Variants in SMC5 observed in about 807,000 individuals in gnomAD.
The protein encoded by SMC5 is structural maintenance of chromosomes protein 5.
In SMC5, 88 loss-of-function variants were observed where a neutral mutation model predicts 148.3. That is an observed-to-expected ratio of 0.59 (90% CI 0.50 to 0.71). The LOEUF is 0.71. SMC5 is among the 30% of genes least tolerant of loss of function. SMC5 has a pLI of 0.00. For missense variants in SMC5, 1,142 were observed against 1,298.9 expected, an observed-to-expected ratio of 0.88 and a Z score of 1.86; for synonymous variants, 421 against 432.8, an observed-to-expected ratio of 0.97 and a Z score of 0.34.
At position 70,348,074 on chromosome 9, in the gene SMC5, A is replaced by C. The variant is rs2036713354; in HGVS notation, c.2889+36A>C. 2.1e-6 allele frequency: 3 copies of C among 1,457,772 alleles called. No homozygotes were observed. In the African/African-American group the frequency reaches 4.4e-5, roughly 21 times the overall value. 90.3% of individuals were successfully genotyped at this position (1,457,772 alleles called of 1,614,324 possible). On this transcript the variant is annotated intron_variant, in intron 22 of 24. Coordinates refer to ENST00000361138, the MANE Select transcript of SMC5 (RefSeq NM_015110.4). The stretch of plus-strand genomic sequence containing the variant: ...ATTTGAAATAAATAATATTTCTGGC[A>C]AATAATTTTAATTATATGCTTAAAG...
intron 17 of SMC5, among the ~76,000 whole-genome samples, chr9:70,337,851 ATT>A (rs34041276): frequency 4.7e-5 from 7 of 148,098 alleles, no homozygotes; most frequent in Non-Finnish European, 6.0e-5. Context: ...TGAATTACTA[ATT>A]TTTTTTTTTT....
intron 14 of SMC5, 48 bp from the exon 15 acceptor site, chr9:70,318,746 A>T (rs778145872): frequency 6.4e-7 from 1 of 1,556,038 alleles, no homozygotes; most frequent in Admixed American, 2.1e-5. Context: ...TAATAGTTTC[A>T]CTGGAACAGT....
At chr9:70,294,391 A>G (rs1005281449) in intron 8 of SMC5, among the ~76,000 whole-genome samples, 7 of 152,172 alleles carry the variant, frequency 4.6e-5, no homozygotes, top group African/African-American at 7.2e-5. Context: ...TTAGATATAG[A>G]TAGTTAGAAG....
intron 3 of SMC5, among the ~76,000 whole-genome samples, chr9:70,272,924 C>T (rs573032478): frequency 3.8e-4 from 58 of 152,124 alleles, no homozygotes; most frequent in African/African-American, 1.2e-3. Context: ...GTTTATTATC[C>T]GCATTTATTG....
chr9:70,274,995 CCTT>C (rs1352000410), intron 3 of SMC5, among the ~76,000 whole-genome samples: 1 of 151,882 alleles, frequency 6.6e-6, no homozygotes, highest in Non-Finnish European at 1.5e-5. Flanking sequence ...GCTTTTCATT[CCTT>C]CTTCTATTTC....
chr9:70,279,250 T>C lies in SMC5; in HGVS notation c.678+625T>C, dbSNP rs375747346. 7.2e-5 allele frequency among the ~76,000 whole-genome samples: 11 copies of C among 152,290 alleles called. No individual in the cohort carries two copies. The South Asian group carries it at 1.0e-3, about 14-fold the overall frequency. On this transcript the variant is annotated intron_variant, in intron 5 of 24. Coordinates refer to ENST00000361138, the MANE Select transcript of SMC5 (RefSeq NM_015110.4). ...AATCTTTTAGTCTGGGTGTGGTGGC[T>C]CAGACCTGCAATCCCAATACTTTGT...
At chr9:70,267,855 T>G (rs2034334196) in intron 2 of SMC5, 68 bp from the exon 3 acceptor site, 1 of 1,372,470 alleles carries the variant, frequency 7.3e-7, no homozygotes, top group South Asian at 1.3e-5. Context: ...TAATAATGAC[T>G]GCTAAATCTC....
In SMC5 at chr9:70,314,832, C is replaced by A; in HGVS notation, c.1669C>A (p.Leu557Ile). 2 of 1,506,316 alleles carry A rather than the reference C, an allele frequency of 1.3e-6. No individual in the cohort carries two copies. Among genetic ancestry groups the A allele is most frequent in the Non-Finnish European group, 1.8e-6 (2 of 1,110,162 alleles). 93.3% of individuals were successfully genotyped at this position (1,506,316 alleles called of 1,614,324 possible). ...AGCACCTTCAAGATCTTTGAATGAA[C>A]TTAAGTAAGTCTTGAAAATACTAAG... Reference protein sequence around the residue: ...DKAPSRSLNELKQYGFFSYLR... With the variant: ...DKAPSRSLNEIKQYGFFSYLR... Residue 557 changes from leucine to isoleucine, a missense_variant, in exon 12 of 25, where the codon CTT becomes ATT. Physicochemically the swap from Leu to Ile is conservative, Grantham distance 5. Coordinates refer to ENST00000361138, the MANE Select transcript of SMC5 (RefSeq NM_015110.4).
At chr9:70,308,105 C>A (rs541597905) in intron 11 of SMC5, among the ~76,000 whole-genome samples, 3 of 152,210 alleles carry the variant, frequency 2.0e-5, no homozygotes, top group Admixed American at 2.0e-4. Flanking sequence ...GTATTTATTT[C>A]CATATTTATC....
At chr9:70,345,509 G>T (rs915305291) in intron 18 of SMC5, among the ~76,000 whole-genome samples, 2 of 152,056 alleles carry the variant, frequency 1.3e-5, no homozygotes, top group Admixed American at 1.3e-4. Context: ...AGTCCTGAAT[G>T]AAGAGAACAG....
At position 70,352,647 on chromosome 9, in the gene SMC5, A is replaced by T. The variant is rs1334795054; in HGVS notation, c.*316A>T. ...AGTGGAAGAAGGGTTAATCACAAGA[A>T]GTTACTTATATGGTAGCCCTGAGCT... On this transcript the variant is annotated 3_prime_UTR_variant, in exon 25 of 25. Coordinates refer to ENST00000361138, the MANE Select transcript of SMC5 (RefSeq NM_015110.4). The T allele has an allele frequency of 4.7e-6, 1 of 211,354 alleles. No individual in the cohort carries two copies. Among genetic ancestry groups the T allele is most frequent in the East Asian group, 1.0e-4 (1 of 9,704 alleles). 13.1% of individuals were successfully genotyped at this position (211,354 alleles called of 1,614,324 possible). A position where few individuals can be genotyped will look rare whatever the true frequency, so the allele number is the denominator to read the frequency against.
At chr9:70,309,070 T>TA (rs1297333519) in intron 11 of SMC5, among the ~76,000 whole-genome samples, 2 of 152,166 alleles carry the variant, frequency 1.3e-5, no homozygotes, top group East Asian at 1.9e-4. Context: ...ACTTTCTTGC[T>TA]AAAAAATACG....
At chr9:70,285,331 A>G (rs2034865841) in intron 7 of SMC5, among the ~76,000 whole-genome samples, 1 of 152,194 alleles carries the variant, frequency 6.6e-6, no homozygotes, top group South Asian at 2.1e-4. Flanking sequence ...AATCACACAG[A>G]ATGTGCTTAA....
At chr9:70,275,134 A>G (rs1205678430) in intron 3 of SMC5, among the ~76,000 whole-genome samples, 4 of 152,154 alleles carry the variant, frequency 2.6e-5, no homozygotes, top group African/African-American at 9.7e-5. Context: ...ATCTTGAAAG[A>G]TGTGTTTCAT....
At chr9:70,298,734 CAA>C (rs879429083) in intron 9 of SMC5, among the ~76,000 whole-genome samples, 4 of 133,842 alleles carry the variant, frequency 3.0e-5, no homozygotes, top group Non-Finnish European at 1.6e-5. Context: ...GTATGGCTAA[CAA>C]AAAAAAAAAA....
intron 18 of SMC5, among the ~76,000 whole-genome samples, chr9:70,345,052 ATT>A (rs2036631162): frequency 6.6e-6 from 1 of 152,178 alleles, no homozygotes; most frequent in South Asian, 2.1e-4. Flanking sequence ...GATTCGACTA[ATT>A]GGATACATAC....
chr9:70,315,353 GT>G (rs1429253885), intron 12 of SMC5, 92 bp from the exon 13 acceptor site: 5 of 775,448 alleles, frequency 6.4e-6, no homozygotes, highest in Non-Finnish European at 9.6e-6. Flanking sequence ...AATAATGTAT[GT>G]TTTACTTATT....
At chr9:70,298,719 G>A (rs2035276771) in intron 9 of SMC5, among the ~76,000 whole-genome samples, 1 of 150,410 alleles carries the variant, frequency 6.6e-6, no homozygotes, top group Non-Finnish European at 1.5e-5. Flanking sequence ...CAAAGTATTA[G>A]ATGTGTATGG....
intron 17 of SMC5, among the ~76,000 whole-genome samples, chr9:70,334,129 G>GTTT (rs75387148): frequency 8.2e-5 from 11 of 133,990 alleles, no homozygotes; most frequent in South Asian, 2.4e-4. Flanking sequence ...AGTTGTTGTT[G>GTTT]TTTTTTTTTT....
Sources: allele counts gnomAD v4.1 joint callset (sites outside exome capture counted in the v4.1 genomes callset), GRCh38; gene constraint gnomAD v4.1.1; transcripts MANE v1.5; gene names NCBI Gene and HGNC (gene_info 2026-07-23, HGNC 2026-07-21).